MLLT6: variants seen among roughly 807,000 people sequenced by gnomAD.
The protein encoded by MLLT6 is MLLT6, PHD finger containing, also known as protein AF-17.
A neutral mutation model predicts 103.0 loss-of-function variants in MLLT6; 22 were observed. The ratio of observed to expected loss-of-function variants is 0.21; its 90% confidence interval spans 0.15 to 0.31. The LOEUF (loss-of-function observed/expected upper bound fraction) is 0.31. Among genes scored for constraint, MLLT6 ranks in the 10% least tolerant of loss-of-function variants. MLLT6 has a pLI of 1.00. For synonymous variants in MLLT6, 606 were observed against 623.5 expected (o/e 0.97, Z 0.42); for missense variants, 1,199 against 1,441.7 (o/e 0.83, Z 2.73).
In MLLT6 at chr17:38,705,632, T is replaced by C. The variant is rs1597987169; in HGVS notation, c.-1T>C. ...CAGCCCCGGAGGGAGCTCATGGGAG[T>C]ATGAAGGAGATGGTAGGAGGCTGCT... On this transcript the variant is annotated 5_prime_UTR_variant, in exon 1 of 20. Coordinates refer to ENST00000621332, the MANE Select transcript of MLLT6 (RefSeq NM_005937.4). 3.0e-6 allele frequency: 4 copies of C among 1,340,500 alleles called. No individual in the cohort carries two copies. Among genetic ancestry groups the C allele is most frequent in the Non-Finnish European group, 3.9e-6 (4 of 1,013,478 alleles). The allele number at this position is 1,340,500 out of a possible 1,614,324, so 83.0% of individuals were successfully genotyped here.
At chr17:38,717,070 G>A (rs377601304) in intron 10 of MLLT6, 89 bp downstream of exon 10, 5 of 1,550,164 alleles carry the variant, frequency 3.2e-6, no homozygotes, top group Non-Finnish European at 1.7e-6. Context: ...AAGGAAATGG[G>A]ATGGATACCA....
intron 14 of MLLT6, 121 bp downstream of exon 14, chr17:38,720,016 C>T (rs1597999270): frequency 5.2e-6 from 7 of 1,335,822 alleles, no homozygotes; most frequent in Admixed American, 2.6e-5. Context: ...CCTTGACTCT[C>T]GGCCACCCCG....
intron 4 of MLLT6, chr17:38,708,136 A>G: frequency 1.9e-6 from 1 of 514,100 alleles, no homozygotes; most frequent in South Asian, 2.3e-5. Flanking sequence ...TTCGCTGGAC[A>G]CATTTTATTA....
chr17:38,720,702 A>C lies in MLLT6; in HGVS notation c.2397A>C (p.Gly799=). The C allele has an allele frequency of 6.2e-7, 1 of 1,613,874 alleles. No homozygotes were observed. The highest frequency in any genetic ancestry group is 8.5e-7 in the Non-Finnish European group (1 of 1,180,028). The stretch of plus-strand genomic sequence containing the variant: ...TGAGCACCAGCAAGAGCCCTCCGGG[A>C]AAGAGCAGCCTCGGCCTGGACAACT... ...DSLSTSKSPP[G]KSSLGLDNSL... is the part of the protein sequence containing the mutation. Residue 799 remains glycine (G), a synonymous_variant, in exon 16 of 20, where the codon GGA becomes GGC. Transcript: ENST00000621332.
Position 38,707,027 on chromosome 17 carries a change from G to T in MLLT6, c.187G>T (p.Val63Leu). The change falls in exon 2 of 20, where the codon GTG becomes TTG. Residue 63 changes from valine (V) to leucine (L), a missense_variant and splice_region_variant. Val to Leu is a conservative substitution (Grantham distance 32). Around this residue, in one of 7 missense-constraint regions of MLLT6, gnomAD observed 26 missense variants for 44.5 expected, o/e 0.58. Transcript: ENST00000621332. ...TGAATCTCAGGAGCGAGCAGCCAGG[G>T]TGGTGAGTTCCAGACTGCCCCTCTC... The part of the protein sequence containing the change: ...KCESQERAAR[V>L]RCELCPHKDG... 1 of 1,611,246 alleles carries T rather than the reference G, an allele frequency of 6.2e-7. No homozygotes were observed.
Position 38,712,702 on chromosome 17 carries a change from C to G in MLLT6, c.732C>G (p.Asp244Glu). The G allele has an allele frequency of 1.2e-6, 2 of 1,613,422 alleles. No individual in the cohort carries two copies. The highest frequency in any genetic ancestry group is 1.7e-6 in the Non-Finnish European group (2 of 1,179,436). Reference protein sequence around the residue: ...HERGQKKSRKDKERLKQKHKK... With the variant: ...HERGQKKSRKEKERLKQKHKK... ...CTCTCCCTCTCCAGAGTCGAAAGGA[C>G]AAAGAACGCCTTAAGCAGAAGCACA... Residue 244 changes from aspartate (D) to glutamate (E), a missense_variant, in exon 8 of 20, where the codon GAC (aspartate) becomes GAG (glutamate). Asp to Glu is a conservative substitution (Grantham distance 45). Around this residue, in one of 7 missense-constraint regions of MLLT6, gnomAD observed 1,034 missense variants for 1,091.5 expected, o/e 0.95. Coordinates refer to ENST00000621332, the MANE Select transcript of MLLT6 (RefSeq NM_005937.4).
chr17:38,712,605 G>T, intron 7 of MLLT6, 86 bp from the exon 8 acceptor site: 3 of 853,178 alleles, frequency 3.5e-6, no homozygotes, highest in South Asian at 2.9e-5. Flanking sequence ...CCCTAAGGGG[G>T]TGTCAGCTCC....
intron 14 of MLLT6, 99 bp downstream of exon 14, chr17:38,719,994 GC>G: frequency 7.0e-7 from 1 of 1,434,756 alleles, no homozygotes; most frequent in Non-Finnish European, 9.2e-7. Flanking sequence ...CCGCCCTTAG[GC>G]CCCGCCCCAG....
intron 7 of MLLT6, 116 bp downstream of exon 7, chr17:38,712,130 C>T: frequency 7.3e-7 from 1 of 1,369,710 alleles, no homozygotes; most frequent in South Asian, 1.9e-5. Flanking sequence ...CTTCTTCCTT[C>T]CTCTGAGGCC....
chr17:38,711,893 G>A lies in MLLT6; in HGVS notation c.599G>A (p.Gly200Glu). ...SSGGGGGGAG[G>E]GGGSMGGGGS... is the part of the protein sequence containing the mutation. ...GGGGGAGGCGGAGGAGGCGCTGGAG[G>A]AGGAGGTGGCAGCATGGGGGGAGGT... Residue 200 changes from glycine (G) to glutamate (E), a missense_variant, in exon 7 of 20, where the codon GGA becomes GAA. Physicochemically the swap from Gly to Glu is moderately conservative, Grantham distance 98. Transcript: ENST00000621332. 1 of 1,603,856 alleles carries A rather than the reference G, an allele frequency of 6.2e-7. No homozygotes were observed. The highest frequency in any genetic ancestry group is 8.5e-7 in the Non-Finnish European group (1 of 1,174,896).
Position 38,715,642 on chromosome 17 carries a change from C to T in MLLT6, c.850C>T (p.His284Tyr). Residue 284 changes from histidine to tyrosine, a missense_variant, in exon 9 of 20, where the codon CAC (histidine) becomes TAC (tyrosine). By Grantham distance (83) the His-to-Tyr change is moderately conservative. Transcript: ENST00000621332. ...VSSSASSSSH[H>Y]EASTQETSES... Reference sequence around the variant, plus strand: ...CTCCTCGGCTTCCTCTTCCTCCCACCACGAGGCCAGCACGCAGGAGACCTC... The same window carrying T: ...CTCCTCGGCTTCCTCTTCCTCCCACTACGAGGCCAGCACGCAGGAGACCTC... 6.2e-7 allele frequency: 1 copy of T among 1,613,722 alleles called. No homozygotes were observed. Among genetic ancestry groups the T allele is most frequent in the Non-Finnish European group, 8.5e-7 (1 of 1,179,916 alleles).
intron 6 of MLLT6, among the ~76,000 whole-genome samples, chr17:38,710,282 C>G (rs1478368651): frequency 6.6e-6 from 1 of 152,094 alleles, no homozygotes; most frequent in Non-Finnish European, 1.5e-5. Flanking sequence ...TTCAGGGGTC[C>G]AGGGGGAGGC....
rs762944186 is a variant in MLLT6, at chr17:38,715,735, C to T, written c.943C>T (p.Leu315=). The T allele has an allele frequency of 9.9e-6, 16 of 1,614,024 alleles. No individual in the cohort carries two copies. In the East Asian group the frequency reaches 2.7e-4, roughly 27 times the overall value. ...TAGCCTGAGTCATAAAGGGAAGAAACTGAGCAGTGGGAAAGGTGTGAGCAG... is the reference window on the plus strand; with the variant it reads ...TAGCCTGAGTCATAAAGGGAAGAAATTGAGCAGTGGGAAAGGTGTGAGCAG... ...SHSLSHKGKK[L]SSGKGVSSFT... Residue 315 remains leucine (L), a synonymous_variant, in exon 9 of 20, where the codon CTG becomes TTG. Transcript: ENST00000621332.
chr17:38,724,398 G>A lies in MLLT6; in HGVS notation c.2884-222G>A. ...TTAAATACCCTGCTGTTGGCCGGCA[G>A]TGCTGCAGCTGGCAAATACCAATGG... On this transcript the variant is annotated intron_variant, in intron 18 of 19. Transcript: ENST00000621332. This position sits in a 1 kb window ranked among gnomAD's most constrained non-coding sequence, Gnocchi z 5.4. 2.0e-6 allele frequency: 1 copy of A among 511,210 alleles called. No individual in the cohort carries two copies. Among genetic ancestry groups the A allele is most frequent in the Non-Finnish European group, 3.4e-6 (1 of 290,798 alleles). The allele number at this position is 511,210 out of a possible 1,614,324, so 31.7% of individuals were successfully genotyped here. A position where few individuals can be genotyped will look rare whatever the true frequency, so the allele number is the denominator to read the frequency against.
At chr17:38,725,415 C>A (rs1905972202) in intron 19 of MLLT6, 142 bp from the exon 20 acceptor site, 1 of 731,438 alleles carries the variant, frequency 1.4e-6, no homozygotes, top group Non-Finnish European at 2.3e-6. Flanking sequence ...CTGGTGCACA[C>A]CCCTCAGAGC....
chr17:38,727,807 AAAAG>A lies in MLLT6; in HGVS notation c.*2213_*2216del, dbSNP rs1387772071. ...GAGACTCTGTCTCAAAAGAGAAAAAAAAAGAAAAGTAACCTTCAGAGATTCTTAG... is the reference window on the plus strand; with the variant it reads ...GAGACTCTGTCTCAAAAGAGAAAAAAAAAAGTAACCTTCAGAGATTCTTAG... On this transcript the variant is annotated 3_prime_UTR_variant, in exon 20 of 20. Coordinates refer to ENST00000621332, the MANE Select transcript of MLLT6 (RefSeq NM_005937.4). The A allele has an allele frequency of 4.3e-6, 1 of 230,990 alleles. No homozygotes were observed. The allele number at this position is 230,990 out of a possible 1,614,324, so 14.3% of individuals were successfully genotyped here. A position where few individuals can be genotyped will look rare whatever the true frequency, so the allele number is the denominator to read the frequency against.
chr17:38,719,923 G>T, intron 14 of MLLT6, 28 bp downstream of exon 14: 1 of 1,545,436 alleles, frequency 6.5e-7, no homozygotes. Context: ...CGGTCGGGAC[G>T]CCTGCCCTAG....
Position 38,716,675 on chromosome 17 carries a change from A to G in MLLT6, c.1345A>G (p.Ser449Gly). The G allele has an allele frequency of 6.2e-7, 1 of 1,613,230 alleles. No homozygotes were observed. The highest frequency in any genetic ancestry group is 8.5e-7 in the Non-Finnish European group (1 of 1,179,790). Residue 449 changes from serine to glycine, a missense_variant, in exon 10 of 20, where the codon AGT becomes GGT. By Grantham distance (56) the Ser-to-Gly change is moderately conservative. Coordinates refer to ENST00000621332, the MANE Select transcript of MLLT6 (RefSeq NM_005937.4). This position sits in a 1 kb window ranked among gnomAD's most constrained non-coding sequence, Gnocchi z 5.6. ...CACCCACAAACGGATGCCCGCACTGAGTGCCACCCCTGTGCCTGCTGATGA... is the reference window on the plus strand; with the variant it reads ...CACCCACAAACGGATGCCCGCACTGGGTGCCACCCCTGTGCCTGCTGATGA... ...AGTHKRMPAL[S>G]ATPVPADETP...
chr17:38,715,246 A>C, intron 8 of MLLT6: 1 of 188,482 alleles, frequency 5.3e-6, no homozygotes. Context: ...CTTCCAGCAT[A>C]GGTCCCGCCT....
Sources: allele counts gnomAD v4.1 joint callset (sites outside exome capture counted in the v4.1 genomes callset), GRCh38; gene constraint gnomAD v4.1.1; regional missense constraint gnomAD v4.1.1; non-coding constraint Gnocchi (gnomAD v3.1); transcripts MANE v1.5; gene names NCBI Gene and HGNC (gene_info 2026-07-23, HGNC 2026-07-21).